CDK14: variants seen among roughly 807,000 people sequenced by gnomAD.
CDK14 encodes the protein cyclin dependent kinase 14, also known as cyclin-dependent kinase 14.
In CDK14, 34 loss-of-function variants were observed where a neutral mutation model predicts 60.7. The ratio of observed to expected loss-of-function variants is 0.56; its 90% CI spans 0.43 to 0.75. The LOEUF is 0.75. Ranked by LOEUF, CDK14 falls within the 30% of genes least tolerant of loss-of-function variation. The pLI, the probability that CDK14 is intolerant of heterozygous loss-of-function variation, is 0.00. For synonymous variants in CDK14, 197 were observed against 203.7 expected, an observed-to-expected ratio of 0.97 and a Z score of 0.28; for missense variants, 482 against 564.1, an observed-to-expected ratio of 0.85 and a Z score of 1.47.
At chr7:90,941,061 T>C (rs1410890313) in intron 8 of CDK14, among the ~76,000 whole-genome samples, 1 of 152,214 alleles carries the variant, frequency 6.6e-6, no homozygotes, top group Non-Finnish European at 1.5e-5. Context: ...GTGATGGTTA[T>C]GCTTCAAGAC....
rs1683371022 is a variant in CDK14, at chr7:90,709,707, GTTC to G, written c.124-16855_124-16853del. 4 of 1,484,804 alleles carry G rather than the reference GTTC, an allele frequency of 2.7e-6. No homozygotes were observed. The South Asian group carries it at 5.3e-5, about 20-fold the overall frequency. 92.0% of individuals were successfully genotyped at this position (1,484,804 alleles called of 1,614,324 possible). A position where few individuals can be genotyped will look rare whatever the true frequency, so the allele number is the denominator to read the frequency against. The stretch of plus-strand genomic sequence containing the variant: ...TACTGAATGTTAGCATGTCCTTTGA[GTTC>G]TTCTCAACAGTTTTTGGTCTTATTC... On this transcript the variant is annotated intron_variant, in intron 2 of 14. Coordinates refer to ENST00000380050, the MANE Select transcript of CDK14 (RefSeq NM_001287135.2).
In CDK14 at chr7:90,747,664, C is replaced by T. The variant is rs1584852491; in HGVS notation, c.370-17C>T. 2 of 1,477,958 alleles carry T rather than the reference C, an allele frequency of 1.4e-6. No homozygotes were observed. The highest frequency in any genetic ancestry group is 1.7e-4 in the Middle Eastern group (1 of 5,790). 91.6% of individuals were successfully genotyped at this position (1,477,958 alleles called of 1,614,324 possible). A position where few individuals can be genotyped will look rare whatever the true frequency, so the allele number is the denominator to read the frequency against. ...TTTGATACAATCTGTTTTGTTTACCCTGTGCTTCATTTTTAGCCAACAAGT... is the reference window on the plus strand; with the variant it reads ...TTTGATACAATCTGTTTTGTTTACCTTGTGCTTCATTTTTAGCCAACAAGT... On this transcript the variant is annotated splice_polypyrimidine_tract_variant and intron_variant, in intron 3 of 14. Transcript: ENST00000380050.
At chr7:91,173,142 AG>A (rs1175719536) in intron 14 of CDK14, among the ~76,000 whole-genome samples, 2 of 147,342 alleles carry the variant, frequency 1.4e-5, no homozygotes, top group East Asian at 4.1e-4. Flanking sequence ...AACAAACAAA[AG>A]GTTACATTCA....
intron 8 of CDK14, among the ~76,000 whole-genome samples, chr7:90,920,433 A>G (rs1793212177): frequency 6.6e-6 from 1 of 152,232 alleles, no homozygotes; most frequent in Non-Finnish European, 1.5e-5. Flanking sequence ...TCTATATGCT[A>G]CACACTTAGA....
intron 5 of CDK14, among the ~76,000 whole-genome samples, chr7:90,862,544 A>G (rs950595700): frequency 5.9e-5 from 9 of 152,192 alleles, no homozygotes; most frequent in African/African-American, 2.2e-4. Flanking sequence ...TAATTGACAG[A>G]TCCACCATTA....
intron 2 of CDK14, among the ~76,000 whole-genome samples, chr7:90,658,353 G>T (rs1040754708): frequency 6.6e-6 from 1 of 152,144 alleles, no homozygotes; most frequent in African/African-American, 2.4e-5. Flanking sequence ...CACTTATGAA[G>T]TCTTACTGTA....
chr7:90,648,977 T>C (rs1315521006), intron 2 of CDK14, among the ~76,000 whole-genome samples: 1 of 152,154 alleles, frequency 6.6e-6, no homozygotes, highest in Non-Finnish European at 1.5e-5. Flanking sequence ...TGAAACCTAA[T>C]AGGGAAAATA....
chr7:91,094,597 T>C (rs902582300), intron 12 of CDK14, among the ~76,000 whole-genome samples: 3 of 152,198 alleles, frequency 2.0e-5, no homozygotes, highest in Admixed American at 6.5e-5. Flanking sequence ...TTTATTTTCC[T>C]GTCTTCAGTT....
intron 2 of CDK14, among the ~76,000 whole-genome samples, chr7:90,677,438 T>C (rs1315078468): frequency 6.6e-6 from 1 of 152,212 alleles, no homozygotes; most frequent in African/African-American, 2.4e-5. Context: ...TTTCTCACTT[T>C]CTTATTGTGT....
At chr7:91,190,813 A>G (rs578055357) in intron 14 of CDK14, among the ~76,000 whole-genome samples, 3 of 152,232 alleles carry the variant, frequency 2.0e-5, no homozygotes, top group Non-Finnish European at 4.4e-5. Context: ...GATCCCAGAG[A>G]GATCAAAAGA....
intron 12 of CDK14, among the ~76,000 whole-genome samples, chr7:91,091,907 A>T (rs957528098): frequency 2.0e-5 from 3 of 152,014 alleles, no homozygotes; most frequent in African/African-American, 7.2e-5. Flanking sequence ...TAGTTTTAAG[A>T]CATCAGTAGA....
chr7:90,776,798 C>T (rs1001658088), intron 4 of CDK14, among the ~76,000 whole-genome samples: 1 of 152,180 alleles, frequency 6.6e-6, no homozygotes, highest in Non-Finnish European at 1.5e-5. Flanking sequence ...TGTTTCATCA[C>T]TGTCCGTGAT....
At chr7:90,963,971 C>T (rs1027830787) in intron 9 of CDK14, among the ~76,000 whole-genome samples, 1 of 152,064 alleles carries the variant, frequency 6.6e-6, no homozygotes, top group Non-Finnish European at 1.5e-5. Context: ...GCCTCGGTCT[C>T]CCAAAGTGCT....
intron 5 of CDK14, among the ~76,000 whole-genome samples, chr7:90,792,620 A>G (rs1335415785): frequency 6.6e-6 from 1 of 152,084 alleles, no homozygotes; most frequent in Non-Finnish European, 1.5e-5. Context: ...TCTCTAAATG[A>G]TACCTGAAAT....
chr7:90,826,236 G>A (rs1260124361), intron 5 of CDK14, among the ~76,000 whole-genome samples: 2 of 151,982 alleles, frequency 1.3e-5, no homozygotes, highest in African/African-American at 4.8e-5. Context: ...TTATTTTTTT[G>A]AGATGGAGTC....
intron 12 of CDK14, among the ~76,000 whole-genome samples, chr7:91,082,335 A>C (rs1584030852): frequency 6.6e-6 from 1 of 152,238 alleles, no homozygotes; most frequent in East Asian, 1.9e-4. Flanking sequence ...ACTAAGTCAC[A>C]GAAGACAGAT....
intron 2 of CDK14, among the ~76,000 whole-genome samples, chr7:90,612,771 CAAAAA>C (rs531162992): frequency 1.2e-4 from 11 of 91,714 alleles, no homozygotes; most frequent in Admixed American, 2.4e-4. Context: ...GACTCTGTCT[CAAAAA>C]AAAAAAAAAA....
At chr7:91,066,100 A>G (rs940185311) in intron 11 of CDK14, among the ~76,000 whole-genome samples, 2 of 152,196 alleles carry the variant, frequency 1.3e-5, no homozygotes, top group Non-Finnish European at 2.9e-5. Context: ...GTAGGAGTGA[A>G]TGCATGTGTT....
chr7:91,154,892 G>A (rs1800939835), intron 14 of CDK14, among the ~76,000 whole-genome samples: 1 of 152,178 alleles, frequency 6.6e-6, no homozygotes, highest in African/African-American at 2.4e-5. Flanking sequence ...GGCCAAAGAA[G>A]GGAGATAAGT....
Sources: gnomAD v4.1 joint callset for allele counts (sites outside exome capture counted in the v4.1 genomes callset) on GRCh38, gnomAD v4.1.1 for gene constraint, MANE v1.5 for transcripts, NCBI Gene and HGNC (gene_info 2026-07-23, HGNC 2026-07-21) for gene names.